ATP5PD: variants seen among roughly 807,000 people sequenced by gnomAD.
ATP5PD encodes the protein ATP synthase peripheral stalk subunit d, mitochondrial.
In ATP5PD, 13 loss-of-function variants were observed where a neutral mutation model predicts 22.6. That is an observed-to-expected ratio of 0.58 (90% CI 0.37 to 0.91). The LOEUF (loss-of-function observed/expected upper bound fraction) is 0.91, where lower values mean the gene tolerates loss of function less well. ATP5PD is among the 40% of genes least tolerant of loss of function. The probability of loss-of-function intolerance (pLI) is 0.00; values close to 1 mark genes in which losing one functional copy is unlikely to be tolerated. For synonymous variants in ATP5PD, 51 were observed against 65.0 expected, an observed-to-expected ratio of 0.79 and a Z score of 1.03; for missense variants, 165 against 188.0, an observed-to-expected ratio of 0.88 and a Z score of 0.72.
chr17:75,045,843 G>A (rs2073209461), intron 1 of ATP5PD, among the ~76,000 whole-genome samples: 1 of 152,196 alleles, frequency 6.6e-6, no homozygotes, highest in Non-Finnish European at 1.5e-5. Flanking sequence ...GACAGGCATA[G>A]GAAATCAGAA....
At position 75,042,056 on chromosome 17, in the gene ATP5PD, A is replaced by G. The variant is rs888358625; in HGVS notation, c.219+125T>C. On this transcript the variant is annotated intron_variant, in intron 3 of 5. Transcript: ENST00000301587. ...TCAATCGACCACAAGGCCTTTGGCC[A>G]TACGCATCCTTCCTAAGCTTCCTTA... is the stretch of plus-strand genomic sequence containing the variant. 1.7e-5 allele frequency: 13 copies of G among 785,650 alleles called. No homozygotes were observed. In the African/African-American group the frequency reaches 1.8e-4, roughly 11 times the overall value. The allele number at this position is 785,650 out of a possible 1,614,324, so 48.7% of individuals were successfully genotyped here. A position where few individuals can be genotyped will look rare whatever the true frequency, so the allele number is the denominator to read the frequency against.
intron 1 of ATP5PD, among the ~76,000 whole-genome samples, chr17:75,045,304 G>A (rs1240538468): frequency 1.3e-5 from 2 of 152,210 alleles, no homozygotes; most frequent in South Asian, 2.1e-4. Flanking sequence ...GGACCAGAGC[G>A]AAATTAAAAT....
chr17:75,039,920 C>T, intron 4 of ATP5PD, 172 bp downstream of exon 4: 1 of 706,630 alleles, frequency 1.4e-6, no homozygotes, highest in African/African-American at 1.8e-5. Context: ...TGGCTTCTTT[C>T]ACTCCGCATA....
At chr17:75,042,040 CA>C in intron 3 of ATP5PD, 140 bp downstream of exon 3, 1 of 671,822 alleles carries the variant, frequency 1.5e-6, no homozygotes, top group Non-Finnish European at 2.5e-6. Context: ...TTCAATCGAC[CA>C]CAAGGCCTTT....
rs1360223487 is a variant in ATP5PD, at chr17:75,042,174, G to A, written c.219+7C>T. 6.2e-7 allele frequency: 1 copy of A among 1,612,622 alleles called. No homozygotes were observed. The highest frequency in any genetic ancestry group is 1.7e-5 in the Admixed American group (1 of 59,916). ...AAGCTCAGTGCTTTAGAGGTGTGAA[G>A]TCTCACCTTCTTCTCAAAGTCATCC... On this transcript the variant is annotated splice_region_variant and intron_variant, in intron 3 of 5. Transcript: ENST00000301587.
At chr17:75,040,268 A>C in intron 3 of ATP5PD, 105 bp from the exon 4 acceptor site, 1 of 1,360,130 alleles carries the variant, frequency 7.4e-7, no homozygotes, top group Non-Finnish European at 1.0e-6. Context: ...GGAAGCTACG[A>C]ATCCTTAAAG....
chr17:75,040,246 G>A (rs898058872), intron 3 of ATP5PD, 83 bp from the exon 4 acceptor site: 2 of 1,527,386 alleles, frequency 1.3e-6, no homozygotes, highest in African/African-American at 1.4e-5. Flanking sequence ...ACACCCAGGA[G>A]CTCAAAGGGC....
chr17:75,042,065 C>G, intron 3 of ATP5PD, 116 bp downstream of exon 3: 2 of 886,108 alleles, frequency 2.3e-6, no homozygotes, highest in South Asian at 3.5e-5. Context: ...CATACGCATC[C>G]TTCCTAAGCT....
chr17:75,042,256 A>T lies in ATP5PD; in HGVS notation c.144T>A (p.Asn48Lys). The T allele has an allele frequency of 6.2e-7, 1 of 1,614,162 alleles. No homozygotes were observed. Among genetic ancestry groups the T allele is most frequent in the Non-Finnish European group, 8.5e-7 (1 of 1,179,998 alleles). The change falls in exon 3 of 6, where the codon AAT becomes AAA. Residue 48 changes from asparagine (N) to lysine (K), a missense_variant. Coordinates refer to ENST00000301587, the MANE Select transcript of ATP5PD (RefSeq NM_006356.3). ...LTSRLAALPE[N>K]PPAIDWAYYK... ...AGTAAGCCCAGTCGATAGCTGGTGG[A>T]TTCTCAGGTAAAGCAGCCAACCTGC...
Position 75,040,127 on chromosome 17 carries a change from A to G in ATP5PD, c.256T>C (p.Tyr86His). The G allele has an allele frequency of 6.2e-7, 1 of 1,612,968 alleles. No individual in the cohort carries two copies. Among genetic ancestry groups the G allele is most frequent in the Non-Finnish European group, 8.5e-7 (1 of 1,180,008 alleles). The change falls in exon 4 of 6, where the codon TAT becomes CAT. Residue 86 changes from tyrosine to histidine, a missense_variant. Coordinates refer to ENST00000301587, the MANE Select transcript of ATP5PD (RefSeq NM_006356.3). ...TCTTCGGCATCCACCTGGGCAGTAT[A>G]TTTATCCTCTGGCACGGGAACCTTC... ...ALKVPVPEDK[Y>H]TAQVDAEEKE...
intron 1 of ATP5PD, among the ~76,000 whole-genome samples, chr17:75,046,315 C>G (rs1240595813): frequency 6.6e-6 from 1 of 152,226 alleles, no homozygotes; most frequent in East Asian, 1.9e-4. Context: ...AACTCCTGAC[C>G]TCGCGATTCG....
At chr17:75,039,154 G>C in intron 5 of ATP5PD, 55 bp downstream of exon 5, 1 of 1,612,030 alleles carries the variant, frequency 6.2e-7, no homozygotes, top group Non-Finnish European at 8.5e-7. Flanking sequence ...TGAAAGATGT[G>C]TGGTCATGAA....
chr17:75,039,988 G>A (rs774895538), intron 4 of ATP5PD, 104 bp downstream of exon 4: 82 of 1,186,672 alleles, frequency 6.9e-5, no homozygotes, highest in Non-Finnish European at 7.5e-5. Flanking sequence ...CCTTTATATG[G>A]CTGTTAACTC....
Position 75,038,979 on chromosome 17 carries a change from T to C in ATP5PD, c.439A>G (p.Lys147Glu). 1 of 1,614,234 alleles carries C rather than the reference T, an allele frequency of 6.2e-7. No individual in the cohort carries two copies. Among genetic ancestry groups the C allele is most frequent in the Non-Finnish European group, 8.5e-7 (1 of 1,180,040 alleles). The change falls in exon 6 of 6, where the codon AAG becomes GAG. Residue 147 changes from lysine to glutamate, a missense_variant. By Grantham distance (56) the Lys-to-Glu change is moderately conservative. Coordinates refer to ENST00000301587, the MANE Select transcript of ATP5PD (RefSeq NM_006356.3). ...NEAFPETKLD[K>E]KKYPYWPHQP... ...TGAGGCCAATAGGGATACTTTTTCT[T>C]GTCTAATTTGGTTTCTGGGAAAGCT...
chr17:75,044,292 G>A (rs1247707002), intron 1 of ATP5PD, among the ~76,000 whole-genome samples: 1 of 111,050 alleles, frequency 9.0e-6, no homozygotes, highest in Non-Finnish European at 1.6e-5. Flanking sequence ...TGCAAACTCC[G>A]CTTCCCGGGT....
At chr17:75,040,998 T>A (rs1340105066) in intron 3 of ATP5PD, 1 of 151,748 alleles carries the variant, frequency 6.6e-6, no homozygotes, top group East Asian at 1.9e-4. Context: ...GAACTCTGGA[T>A]ATTGAGACTT....
At chr17:75,044,418 G>A (rs1244273249) in intron 1 of ATP5PD, among the ~76,000 whole-genome samples, 1 of 113,202 alleles carries the variant, frequency 8.8e-6, no homozygotes, top group Admixed American at 7.6e-5. Context: ...TGTTAGCCAG[G>A]ATGGTCTCGA....
At chr17:75,042,059 C>CGCATCCTTCCTAAGCTTCCTT in intron 3 of ATP5PD, 122 bp downstream of exon 3, 1 of 812,136 alleles carries the variant, frequency 1.2e-6, no homozygotes, top group Non-Finnish European at 1.9e-6. Context: ...TTTGGCCATA[C>CGCATCCTTCCTAAGCTTCCTT]GCATCCTTCC....
At chr17:75,039,142 G>A (rs2073132276) in intron 5 of ATP5PD, 67 bp downstream of exon 5, 3 of 1,611,312 alleles carry the variant, frequency 1.9e-6, no homozygotes, top group Non-Finnish European at 2.5e-6. Flanking sequence ...CCTGCCACCA[G>A]GTGAAAGATG....
Sources: gnomAD v4.1 joint callset for allele counts (sites outside exome capture counted in the v4.1 genomes callset) on GRCh38, gnomAD v4.1.1 for gene constraint, MANE v1.5 for transcripts, NCBI Gene and HGNC (gene_info 2026-07-23, HGNC 2026-07-21) for gene names.